Variants in SPATS2L observed in about 807,000 individuals in gnomAD.
SPATS2L encodes the protein SPATS2-like protein.
Under a neutral mutation model 59.6 loss-of-function variants are expected in SPATS2L, and 30 were observed. The observed-to-expected ratio is 0.50, with a 90% CI of 0.38 to 0.68. SPATS2L has a LOEUF of 0.68. SPATS2L is among the 30% of genes least tolerant of loss of function. SPATS2L has a pLI of 0.00. For missense variants in SPATS2L, 615 were observed against 700.0 expected (o/e 0.88, Z 1.37); for synonymous variants, 252 against 263.5 (o/e 0.96, Z 0.42).
chr2:200,435,963 AATTTTTT>A (rs2084260267), intron 6 of SPATS2L, among the ~76,000 whole-genome samples: 1 of 152,158 alleles, frequency 6.6e-6, no homozygotes, highest in South Asian at 2.1e-4. Context: ...TAATATTTTA[AATTTTTT>A]ATTTTGTACT....
At chr2:200,376,920 G>T (rs969427242) in intron 2 of SPATS2L, among the ~76,000 whole-genome samples, 1 of 152,196 alleles carries the variant, frequency 6.6e-6, no homozygotes, top group Non-Finnish European at 1.5e-5. Flanking sequence ...GACAACTTGT[G>T]GTCAGAAGGT....
At chr2:200,328,650 G>T (rs3769472) in intron 1 of SPATS2L, among the ~76,000 whole-genome samples, 2 of 151,932 alleles carry the variant, frequency 1.3e-5, no homozygotes, top group Non-Finnish European at 2.9e-5. Context: ...TCTGAGTCTC[G>T]TAGGACCAGT....
intron 1 of SPATS2L, among the ~76,000 whole-genome samples, chr2:200,312,780 A>G (rs973111884): frequency 6.6e-6 from 1 of 152,192 alleles, no homozygotes; most frequent in Non-Finnish European, 1.5e-5. Flanking sequence ...AGGTGGCCAT[A>G]TGGATTTTCA....
chr2:200,359,699 T>C (rs762123175), intron 2 of SPATS2L, among the ~76,000 whole-genome samples: 107 of 152,358 alleles, frequency 7.0e-4, no homozygotes, highest in Non-Finnish European at 1.4e-3. Context: ...TCTAGCTCTG[T>C]AAATCCTGGC....
intron 3 of SPATS2L, among the ~76,000 whole-genome samples, chr2:200,400,818 C>CT (rs1194731532): frequency 7.2e-5 from 11 of 152,100 alleles, no homozygotes; most frequent in Admixed American, 7.2e-4. Context: ...AATAAATTTG[C>CT]TTTTTTTCCA....
rs758158967 is a variant in SPATS2L at position 200,478,388 on chromosome 2, A to G, written c.*357A>G. ...TTGTCTTTAGAGAGTTAATGTTACA[A>G]AAAAGAATTCTTAATAATCAGACAA... On this transcript the variant is annotated 3_prime_UTR_variant, in exon 13 of 13. Coordinates refer to ENST00000409140, the MANE Select transcript of SPATS2L (RefSeq NM_001100423.2). 5.8e-6 allele frequency: 1 copy of G among 173,574 alleles called. No homozygotes were observed. Among genetic ancestry groups the G allele is most frequent in the Admixed American group, 6.3e-5 (1 of 15,854 alleles). The allele number at this position is 173,574 out of a possible 1,614,324, so 10.8% of individuals were successfully genotyped here.
intron 6 of SPATS2L, among the ~76,000 whole-genome samples, chr2:200,437,107 A>AT (rs765773966): frequency 2.6e-5 from 4 of 152,308 alleles, no homozygotes; most frequent in Non-Finnish European, 5.9e-5. Context: ...TGTTGGCATC[A>AT]TGCTTCTTGT....
intron 2 of SPATS2L, among the ~76,000 whole-genome samples, chr2:200,350,020 C>G (rs775072503): frequency 2.6e-5 from 4 of 152,156 alleles, no homozygotes; most frequent in Non-Finnish European, 1.5e-5. Context: ...CCTCCTAGGC[C>G]CTTGTTTTCA....
At chr2:200,367,328 A>C (rs2081295386) in intron 2 of SPATS2L, among the ~76,000 whole-genome samples, 1 of 152,090 alleles carries the variant, frequency 6.6e-6, no homozygotes, top group Non-Finnish European at 1.5e-5. Context: ...TGACCTGCTT[A>C]CTCAGCAAAG....
At chr2:200,340,639 C>G (rs1181714218) in intron 2 of SPATS2L, among the ~76,000 whole-genome samples, 1 of 152,044 alleles carries the variant, frequency 6.6e-6, no homozygotes, top group African/African-American at 2.4e-5. Flanking sequence ...GAGTGGTCCT[C>G]CAGAGAAGTG....
intron 1 of SPATS2L, among the ~76,000 whole-genome samples, chr2:200,314,718 A>G (rs2079307443): frequency 6.6e-6 from 1 of 152,208 alleles, no homozygotes; most frequent in Non-Finnish European, 1.5e-5. Context: ...AGGCGAGATG[A>G]TAGACCTGCT....
chr2:200,398,902 C>T (rs1362421097), intron 3 of SPATS2L, among the ~76,000 whole-genome samples: 1 of 152,110 alleles, frequency 6.6e-6, no homozygotes, highest in Non-Finnish European at 1.5e-5. Flanking sequence ...CTGATCGAAC[C>T]ATCTTAAAGG....
chr2:200,404,247 G>A (rs1005380986), intron 3 of SPATS2L, among the ~76,000 whole-genome samples: 1 of 152,232 alleles, frequency 6.6e-6, no homozygotes, highest in Admixed American at 6.5e-5. Context: ...CCAAGCCAGA[G>A]AATCCCATTA....
intron 6 of SPATS2L, among the ~76,000 whole-genome samples, chr2:200,420,743 T>C (rs2083275880): frequency 6.6e-6 from 1 of 152,190 alleles, no homozygotes; most frequent in Non-Finnish European, 1.5e-5. Context: ...TAAAACTGTC[T>C]AGACTCACAT....
In SPATS2L at chr2:200,416,688, T is replaced by A. The variant is rs540404878; in HGVS notation, c.198+260T>A. On this transcript the variant is annotated intron_variant, in intron 5 of 12. Coordinates refer to ENST00000409140, the MANE Select transcript of SPATS2L (RefSeq NM_001100423.2). ...CCAGAGTTGTTCTCTTTTTTAAGTA[T>A]AAAGGGGAGCCCAGCTGGAGAATTC... Among the ~76,000 whole-genome samples the A allele has an allele frequency of 5.9e-5, 9 of 152,270 alleles. No individual in the cohort carries two copies. In the South Asian group the frequency reaches 1.9e-3, roughly 32 times the overall value.
intron 3 of SPATS2L, among the ~76,000 whole-genome samples, chr2:200,401,401 T>C (rs2082523993): frequency 6.6e-6 from 1 of 152,182 alleles, no homozygotes. Flanking sequence ...CTGGGATGGA[T>C]ACCCTCTTAC....
intron 5 of SPATS2L, among the ~76,000 whole-genome samples, chr2:200,417,446 G>A (rs2083112186): frequency 6.6e-6 from 1 of 151,984 alleles, no homozygotes; most frequent in Admixed American, 6.6e-5. Flanking sequence ...AACATGATTT[G>A]CAAGTGATTG....
intron 3 of SPATS2L, among the ~76,000 whole-genome samples, chr2:200,404,576 C>T (rs1317595097): frequency 6.6e-6 from 1 of 152,106 alleles, no homozygotes; most frequent in African/African-American, 2.4e-5. Flanking sequence ...TAGGGAAAGA[C>T]ATCTCCTTAT....
chr2:200,360,631 G>T (rs921086894), intron 2 of SPATS2L, among the ~76,000 whole-genome samples: 2 of 152,178 alleles, frequency 1.3e-5, no homozygotes, highest in African/African-American at 4.8e-5. Context: ...CTCCTCCTTG[G>T]GGGAGGGGAA....
Sources: gnomAD v4.1 joint callset for allele counts (sites outside exome capture counted in the v4.1 genomes callset) on GRCh38, gnomAD v4.1.1 for gene constraint, MANE v1.5 for transcripts, NCBI Gene and HGNC (gene_info 2026-07-23, HGNC 2026-07-21) for gene names.